CMYA5: variants seen among roughly 807,000 people sequenced by gnomAD.
CMYA5 encodes cardiomyopathy-associated protein 5.
In CMYA5, 246 loss-of-function variants were observed where a neutral mutation model predicts 318.9. That is an observed-to-expected ratio of 0.77 (90% CI 0.70 to 0.86). The LOEUF is 0.86. Among genes scored for constraint, CMYA5 ranks in the 40% least tolerant of loss-of-function variants. The pLI is 0.00. For missense variants in CMYA5, 4,589 were observed against 4,678.2 expected, an observed-to-expected ratio of 0.98 and a Z score of 0.56; for synonymous variants, 1,641 against 1,729.5, an observed-to-expected ratio of 0.95 and a Z score of 1.27.
chr5:79,701,196 T>A (rs1827168852), intron 1 of CMYA5, among the ~76,000 whole-genome samples: 1 of 151,354 alleles, frequency 6.6e-6, no homozygotes, highest in Non-Finnish European at 1.5e-5. Flanking sequence ...TTGTAGTGAG[T>A]GGGATTGCGC....
At chr5:79,703,928 C>T (rs963994809) in intron 1 of CMYA5, among the ~76,000 whole-genome samples, 2 of 152,024 alleles carry the variant, frequency 1.3e-5, no homozygotes, top group Non-Finnish European at 2.9e-5. Context: ...CCCATCTCTA[C>T]AAAAAATTAA....
intron 1 of CMYA5, among the ~76,000 whole-genome samples, chr5:79,709,313 T>C (rs1827337093): frequency 6.6e-6 from 1 of 152,180 alleles, no homozygotes. Context: ...GAAAGATGTA[T>C]CTGTAAGGAT....
chr5:79,797,733 G>GC (rs1250795542), intron 12 of CMYA5, among the ~76,000 whole-genome samples: 1 of 152,096 alleles, frequency 6.6e-6, no homozygotes, highest in African/African-American at 2.4e-5. Flanking sequence ...CTAGAGCCTG[G>GC]CCCCTGACTT....
At chr5:79,777,472 A>G (rs994105433) in intron 9 of CMYA5, among the ~76,000 whole-genome samples, 2 of 152,202 alleles carry the variant, frequency 1.3e-5, no homozygotes, top group African/African-American at 4.8e-5. Context: ...AACTACTTCA[A>G]TTAAAAAAAA....
chr5:79,730,708 C>T lies in CMYA5; in HGVS notation c.1943C>T (p.Thr648Ile). The T allele has an allele frequency of 6.2e-7, 1 of 1,613,894 alleles. No individual in the cohort carries two copies. The highest frequency in any genetic ancestry group is 8.5e-7 in the Non-Finnish European group (1 of 1,179,832). ...FEAYSPAAAP[T>I]SESSLSPSTT... is the part of the protein sequence containing the mutation. ...GCTTATTCCCCAGCTGCAGCCCCTA[C>T]ATCTGAGAGCTCTCTCTCACCATCC... The change falls in exon 2 of 13, where the codon ACA becomes ATA. Residue 648 changes from threonine to isoleucine, a missense_variant. Thr to Ile is a moderately conservative substitution (Grantham distance 89). Around this residue, in one of 3 missense-constraint regions of CMYA5, gnomAD observed 2,132 missense variants for 2,131.3 expected, o/e 1.00. Coordinates refer to ENST00000446378, the MANE Select transcript of CMYA5 (RefSeq NM_153610.5).
intron 8 of CMYA5, chr5:79,762,779 G>T: frequency 5.9e-6 from 2 of 337,302 alleles, no homozygotes; most frequent in East Asian, 5.0e-5. Context: ...TCTTTATTTT[G>T]ATTTGCTTGT....
At chr5:79,766,395 T>C (rs1484626469) in intron 9 of CMYA5, among the ~76,000 whole-genome samples, 1 of 152,098 alleles carries the variant, frequency 6.6e-6, no homozygotes, top group African/African-American at 2.4e-5. Flanking sequence ...TCACCGCGCC[T>C]GGCGCTTCCA....
chr5:79,702,484 A>G (rs2151075990), intron 1 of CMYA5, among the ~76,000 whole-genome samples: 1 of 152,356 alleles, frequency 6.6e-6, no homozygotes. Flanking sequence ...TATGCTAAGT[A>G]AAATAAGTCA....
chr5:79,736,214 A>G lies in CMYA5; in HGVS notation c.7449A>G (p.Leu2483=). 2 of 1,613,632 alleles carry G rather than the reference A, an allele frequency of 1.2e-6. No individual in the cohort carries two copies. Among genetic ancestry groups the G allele is most frequent in the African/African-American group, 1.3e-5 (1 of 75,040 alleles). Residue 2483 remains leucine (L), a synonymous_variant, in exon 2 of 13, where the codon TTA becomes TTG. Transcript: ENST00000446378. ...AAAAACAAAACTCTGTGGCCCCATTAGAGCTTAGAGATAGTAATGAAATAG... is the reference window on the plus strand; with the variant it reads ...AAAAACAAAACTCTGTGGCCCCATTGGAGCTTAGAGATAGTAATGAAATAG... ...LAEKQNSVAP[L]ELRDSNEIGK... is the part of the protein sequence containing the mutation.
In CMYA5 at chr5:79,730,128, C is replaced by T. The variant is rs1185632734; in HGVS notation, c.1363C>T (p.Gln455Ter). The change falls in exon 2 of 13, where the codon CAA (glutamine) becomes TAA (stop). Residue 455 changes from glutamine (Q) to a stop codon, truncating the protein, a stop_gained. Coordinates refer to ENST00000446378, the MANE Select transcript of CMYA5 (RefSeq NM_153610.5). LOFTEE classifies it high-confidence loss of function. The stretch of plus-strand genomic sequence containing the variant: ...TACCCAGGATGGTTTGGACCCAGAC[C>T]AAGAACAGCCGGACCTGACTTCAAT... Reference protein sequence around the residue: ...ASTQDGLDPDQEQPDLTSIER... With the variant: ...ASTQDGLDPD The T allele has an allele frequency of 6.2e-7, 1 of 1,613,756 alleles. No individual in the cohort carries two copies. The highest frequency in any genetic ancestry group is 2.2e-5 in the East Asian group (1 of 44,878).
At chr5:79,755,645 G>A (rs934423166) in intron 6 of CMYA5, among the ~76,000 whole-genome samples, 9 of 152,128 alleles carry the variant, frequency 5.9e-5, no homozygotes, top group African/African-American at 1.4e-4. Context: ...GCTAAACTCC[G>A]GGTCTCTGAT....
rs1828344643 is a variant in CMYA5, at chr5:79,747,082, C to T, written c.10969-9C>T. ...TTCTCCTCCTCCTTCCTCTCTCTTTCTCCCTAAGTCGTTTGAGGAAATCAA... is the reference window on the plus strand; with the variant it reads ...TTCTCCTCCTCCTTCCTCTCTCTTTTTCCCTAAGTCGTTTGAGGAAATCAA... On this transcript the variant is annotated splice_polypyrimidine_tract_variant and intron_variant, in intron 4 of 12. Coordinates refer to ENST00000446378, the MANE Select transcript of CMYA5 (RefSeq NM_153610.5). 1.3e-6 allele frequency: 2 copies of T among 1,484,596 alleles called. No individual in the cohort carries two copies. The highest frequency in any genetic ancestry group is 1.8e-6 in the Non-Finnish European group (2 of 1,087,756). 92.0% of individuals were successfully genotyped at this position (1,484,596 alleles called of 1,614,324 possible).
chr5:79,795,298 G>A (rs1200023249), intron 12 of CMYA5, among the ~76,000 whole-genome samples: 3 of 152,098 alleles, frequency 2.0e-5, no homozygotes, highest in Admixed American at 1.3e-4. Flanking sequence ...CTCTGAGAAC[G>A]CTCCTGTGGC....
chr5:79,748,884 T>A (rs1359210661), intron 5 of CMYA5, among the ~76,000 whole-genome samples: 1 of 152,228 alleles, frequency 6.6e-6, no homozygotes, highest in Non-Finnish European at 1.5e-5. Context: ...ACAGTGCCAT[T>A]CCATCTATAC....
intron 2 of CMYA5, 116 bp downstream of exon 2, chr5:79,739,519 T>C: frequency 1.2e-6 from 1 of 868,352 alleles, no homozygotes. Flanking sequence ...TTAAGCAGAA[T>C]GGTCTGAAAG....
chr5:79,695,224 T>G (rs1183628203), intron 1 of CMYA5, among the ~76,000 whole-genome samples: 1 of 152,214 alleles, frequency 6.6e-6, no homozygotes, highest in African/African-American at 2.4e-5. Context: ...CAGTTGTGGC[T>G]GTACATGAAA....
At chr5:79,716,171 G>A (rs971694239) in intron 1 of CMYA5, among the ~76,000 whole-genome samples, 3 of 152,166 alleles carry the variant, frequency 2.0e-5, no homozygotes, top group African/African-American at 7.2e-5. Flanking sequence ...TTTGTATTAG[G>A]ATTTGACTAG....
In CMYA5 at chr5:79,689,994, G is replaced by A; in HGVS notation, c.87G>A (p.Glu29=). The change falls in exon 1 of 13, where the codon GAG becomes GAA. Residue 29 remains glutamate (E), a synonymous_variant. Coordinates refer to ENST00000446378, the MANE Select transcript of CMYA5 (RefSeq NM_153610.5). ...DEEATRELET[E]EESEGEEDET... is the part of the protein sequence containing the mutation. ...AGGCGACCCGGGAGCTGGAGACCGA[G>A]GAGGAGTCGGAGGGCGAGGAGGACG... 6.9e-7 allele frequency: 1 copy of A among 1,444,026 alleles called. No homozygotes were observed. The highest frequency in any genetic ancestry group is 9.4e-7 in the Non-Finnish European group (1 of 1,065,338). The allele number at this position is 1,444,026 out of a possible 1,614,324, so 89.5% of individuals were successfully genotyped here. A position where few individuals can be genotyped will look rare whatever the true frequency, so the allele number is the denominator to read the frequency against.
At chr5:79,774,688 T>G (rs777975655) in intron 9 of CMYA5, among the ~76,000 whole-genome samples, 1 of 151,874 alleles carries the variant, frequency 6.6e-6, no homozygotes. Context: ...TTCCAGGGAG[T>G]TGGGCTCAGG....
Sources: allele counts gnomAD v4.1 joint callset (sites outside exome capture counted in the v4.1 genomes callset), GRCh38; gene constraint gnomAD v4.1.1; regional missense constraint gnomAD v4.1.1; transcripts MANE v1.5; gene names NCBI Gene and HGNC (gene_info 2026-07-23, HGNC 2026-07-21).